Variants in CCDC171 observed in about 807,000 individuals in gnomAD.
CCDC171 encodes the protein coiled-coil domain containing 171.
A neutral mutation model predicts 168.2 loss-of-function variants in CCDC171; 177 were observed. The observed-to-expected ratio is 1.05, with a 90% CI of 0.93 to 1.19. The LOEUF (loss-of-function observed/expected upper bound fraction) is 1.19, where lower values mean the gene tolerates loss of function less well. CCDC171 is among the 50% of genes most tolerant of loss of function. CCDC171 has a pLI of 0.00. For missense variants in CCDC171, 1,991 were observed against 1,539.0 expected, an observed-to-expected ratio of 1.29 and a Z score of -4.91; for synonymous variants, 687 against 540.8, an observed-to-expected ratio of 1.27 and a Z score of -3.75.
chr9:15,718,384 C>T (rs1376349715), intron 11 of CCDC171, among the ~76,000 whole-genome samples: 1 of 152,220 alleles, frequency 6.6e-6, no homozygotes. Flanking sequence ...TGGATCTTCC[C>T]AGGACCTGGG....
rs1385070716 is a variant in CCDC171, at chr9:16,006,918, A to C, written n.369-13671A>C. ...CGTGTGCATGTGTCTTTATAGCAGCATGATTTATAGTCCTTTGGGTATATA... is the reference window on the plus strand; with the variant it reads ...CGTGTGCATGTGTCTTTATAGCAGCCTGATTTATAGTCCTTTGGGTATATA... On this transcript the variant is annotated intron_variant and non_coding_transcript_variant, in intron 3 of 9. Transcript: ENST00000486641. Among the ~76,000 whole-genome samples, 5 of 152,186 alleles carry C rather than the reference A, an allele frequency of 3.3e-5. No individual in the cohort carries two copies. The East Asian group carries it at 9.6e-4, about 29-fold the overall frequency.
chr9:15,922,136 GA>G, intron 25 of CCDC171: 1 of 389,822 alleles, frequency 2.6e-6, no homozygotes, highest in Non-Finnish European at 5.4e-6. Context: ...TCATTTAGAA[GA>G]GATGGTTCAC....
chr9:15,990,925 G>A lies in CCDC171; in HGVS notation n.369-29664G>A, dbSNP rs1589302812. Among the ~76,000 whole-genome samples, 3 of 152,238 alleles carry A rather than the reference G, an allele frequency of 2.0e-5. No individual in the cohort carries two copies. The East Asian group carries it at 5.8e-4, about 29-fold the overall frequency. ...ATACAGGAGCACCCAGATTCATAAA[G>A]CAAGTCCTTAGAGACCTACAAAGAG... On this transcript the variant is annotated intron_variant and non_coding_transcript_variant, in intron 3 of 9. Coordinates refer to the CCDC171 transcript ENST00000486641.
chr9:16,060,200 C>A (rs1586871149), intron 1 of CCDC171, among the ~76,000 whole-genome samples: 1 of 152,264 alleles, frequency 6.6e-6, no homozygotes, highest in East Asian at 1.9e-4. Flanking sequence ...AGGTCCAGTT[C>A]ATGAGATCTT....
rs572178166 is a variant in CCDC171 at position 15,892,634 on chromosome 9, A to G, written c.3600+17971A>G. Reference sequence around the variant, plus strand: ...CAAAATCGGTGTGCAAAAATCACCAACAACAGGCAAGCCGAAAGTCAAATC... The same window carrying G: ...CAAAATCGGTGTGCAAAAATCACCAGCAACAGGCAAGCCGAAAGTCAAATC... On this transcript the variant is annotated intron_variant, in intron 24 of 25. Coordinates refer to ENST00000380701, the MANE Select transcript of CCDC171 (RefSeq NM_173550.4). Among the ~76,000 whole-genome samples the G allele has an allele frequency of 2.0e-5, 3 of 152,236 alleles. No homozygotes were observed. In the East Asian group the frequency reaches 5.8e-4, roughly 29 times the overall value.
At chr9:15,749,894 A>T (rs2055597156) in intron 18 of CCDC171, among the ~76,000 whole-genome samples, 1 of 152,176 alleles carries the variant, frequency 6.6e-6, no homozygotes, top group African/African-American at 2.4e-5. Context: ...CAACACCCTA[A>T]CATCACAATT....
intron 6 of CCDC171, among the ~76,000 whole-genome samples, chr9:15,618,314 A>G (rs1161049998): frequency 6.6e-6 from 1 of 152,150 alleles, no homozygotes; most frequent in East Asian, 1.9e-4. Flanking sequence ...TCTCCTTAGC[A>G]CTATCAGGAG....
intron 25 of CCDC171, among the ~76,000 whole-genome samples, chr9:15,952,355 G>T (rs1334366754): frequency 6.6e-6 from 1 of 152,040 alleles, no homozygotes; most frequent in African/African-American, 2.4e-5. Flanking sequence ...CTTGTTTTGG[G>T]TATTTCCAGT....
At chr9:15,764,711 A>G (rs1175268055) in intron 18 of CCDC171, among the ~76,000 whole-genome samples, 2 of 152,252 alleles carry the variant, frequency 1.3e-5, no homozygotes, top group Non-Finnish European at 2.9e-5. Context: ...GTCAAGACAG[A>G]TAAAATTGTA....
rs755533196 is a variant in CCDC171 at position 15,920,361 on chromosome 9, T to C, written c.3692T>C (p.Ile1231Thr). Residue 1231 changes from isoleucine to threonine, a missense_variant, in exon 25 of 26, where the codon ATT becomes ACT. Transcript: ENST00000380701. The stretch of plus-strand genomic sequence containing the variant: ...GAAATGACATCTCATCGAAGTCACA[T>C]TGCAGCCTTGAAATCAGAACTTCAC... ...EKEMTSHRSH[I>T]AALKSELHTA... 1 of 1,610,406 alleles carries C rather than the reference T, an allele frequency of 6.2e-7. No individual in the cohort carries two copies. Among genetic ancestry groups the C allele is most frequent in the Non-Finnish European group, 8.5e-7 (1 of 1,177,602 alleles).
At chr9:15,868,099 A>G (rs1297201307) in intron 23 of CCDC171, among the ~76,000 whole-genome samples, 1 of 151,950 alleles carries the variant, frequency 6.6e-6, no homozygotes, top group East Asian at 1.9e-4. Flanking sequence ...TTGGGATGTA[A>G]CTATAATGTG....
chr9:15,595,458 TC>T (rs1157402141), intron 6 of CCDC171, among the ~76,000 whole-genome samples: 8 of 152,296 alleles, frequency 5.3e-5, no homozygotes, highest in African/African-American at 7.2e-5. Context: ...TTCATCCATG[TC>T]CCTACAGAGG....
At chr9:16,081,038 G>A in the CCDC171 span, among the ~76,000 whole-genome samples, 17 of 152,270 alleles carry the variant, frequency 1.1e-4, no homozygotes, top group Middle Eastern at 3.4e-3. Context: ...CTAGGTGGAA[G>A]CACATAGGCT....
Position 15,804,197 on chromosome 9 carries a change from CTCTT to C in CCDC171, c.3267+19507_3267+19510del, listed in dbSNP as rs149125030. ...GCAAACAAAGATAGTTTGACTTCCT[CTCTT>C]TCTATTTCCATACTTATTTATTTCT... On this transcript the variant is annotated intron_variant, in intron 21 of 25. Coordinates refer to ENST00000380701, the MANE Select transcript of CCDC171 (RefSeq NM_173550.4). 3.7e-3 allele frequency among the ~76,000 whole-genome samples: 563 copies of C among 152,194 alleles called. 4 individuals carry two copies. Among genetic ancestry groups the C allele is most frequent in the African/African-American group, 0.013 (531 of 41,522 alleles).
chr9:16,053,939 C>G (rs1331701292), intron 1 of CCDC171, among the ~76,000 whole-genome samples: 1 of 152,236 alleles, frequency 6.6e-6, no homozygotes, highest in Non-Finnish European at 1.5e-5. Context: ...CCCGTTAGCA[C>G]TCTCCTTCGA....
At chr9:15,866,307 G>A (rs1319030923) in intron 23 of CCDC171, among the ~76,000 whole-genome samples, 1 of 151,976 alleles carries the variant, frequency 6.6e-6, no homozygotes, top group African/African-American at 2.4e-5. Context: ...GTGGTTTTAA[G>A]AGCCACAAGT....
chr9:16,038,532 A>T (rs1833513427), upstream of CCDC171, among the ~76,000 whole-genome samples: 1 of 152,152 alleles, frequency 6.6e-6, no homozygotes, highest in South Asian at 2.1e-4. Context: ...GTAACATCTA[A>T]AACATCTGTA....
intron 21 of CCDC171, among the ~76,000 whole-genome samples, chr9:15,789,269 A>G (rs1272540511): frequency 6.6e-6 from 1 of 152,166 alleles, no homozygotes; most frequent in Non-Finnish European, 1.5e-5. Context: ...TATAAATAAT[A>G]CAAACTTTCC....
intron 20 of CCDC171, among the ~76,000 whole-genome samples, chr9:15,784,092 G>A (rs1165514001): frequency 2.0e-5 from 3 of 152,080 alleles, no homozygotes; most frequent in African/African-American, 7.2e-5. Flanking sequence ...GACCTGCCTA[G>A]GAGAAGATAT....
Sources: gnomAD v4.1 joint callset for allele counts (sites outside exome capture counted in the v4.1 genomes callset) on GRCh38, gnomAD v4.1.1 for gene constraint, MANE v1.5 for transcripts, NCBI Gene and HGNC (gene_info 2026-07-23, HGNC 2026-07-21) for gene names.